The following ZNF385B variants were observed in gnomAD, a reference collection of about 807,000 sequenced individuals.
The protein encoded by ZNF385B is zinc finger protein 533.
Under a neutral mutation model 39.2 loss-of-function variants are expected in ZNF385B, and 23 were observed. The observed-to-expected ratio is 0.59, with a 90% CI of 0.42 to 0.83. The LOEUF (loss-of-function observed/expected upper bound fraction) is 0.83. ZNF385B is among the 40% of genes least tolerant of loss of function. The pLI, the probability that ZNF385B is intolerant of heterozygous loss-of-function variation, is 0.00. For missense variants in ZNF385B, 552 were observed against 598.9 expected, an observed-to-expected ratio of 0.92 and a Z score of 0.82; for synonymous variants, 205 against 222.6, an observed-to-expected ratio of 0.92 and a Z score of 0.70.
At chr2:179,837,054 G>A (rs1315408298) in intron 1 of ZNF385B, among the ~76,000 whole-genome samples, 11 of 152,090 alleles carry the variant, frequency 7.2e-5, no homozygotes, top group Non-Finnish European at 1.2e-4. Context: ...TATAAATCAC[G>A]TAAGACAGAA....
intron 3 of ZNF385B, among the ~76,000 whole-genome samples, chr2:179,716,835 C>T (rs1357552838): frequency 6.6e-6 from 1 of 152,192 alleles, no homozygotes; most frequent in East Asian, 1.9e-4. Flanking sequence ...GAAACCCACA[C>T]TAGCCTGTAT....
At chr2:179,503,271 T>G (rs1257757846) in intron 5 of ZNF385B, among the ~76,000 whole-genome samples, 1 of 152,212 alleles carries the variant, frequency 6.6e-6, no homozygotes, top group Non-Finnish European at 1.5e-5. Flanking sequence ...GCTCTAAATC[T>G]CTATGCTTCA....
chr2:179,538,155 T>C (rs1016557612), intron 4 of ZNF385B, among the ~76,000 whole-genome samples: 1 of 152,146 alleles, frequency 6.6e-6, no homozygotes, highest in African/African-American at 2.4e-5. Flanking sequence ...TTGGACATAC[T>C]AGTATCCTAA....
chr2:179,692,998 T>C (rs1256793437), intron 3 of ZNF385B, among the ~76,000 whole-genome samples: 3 of 152,240 alleles, frequency 2.0e-5, no homozygotes, highest in Non-Finnish European at 4.4e-5. Flanking sequence ...GTCTATCTCC[T>C]GGAAGTTTGT....
At chr2:179,548,500 T>G (rs2060372562) in intron 3 of ZNF385B, among the ~76,000 whole-genome samples, 2 of 149,712 alleles carry the variant, frequency 1.3e-5, no homozygotes, top group South Asian at 4.3e-4. Context: ...AGAATTCAAT[T>G]ATTTTTAGCA....
Position 179,503,292 on chromosome 2 carries a change from C to T in ZNF385B, c.552+15236G>A, listed in dbSNP as rs552401808. 1.1e-3 allele frequency among the ~76,000 whole-genome samples: 174 copies of T among 152,244 alleles called. 2 individuals carry two copies. The highest frequency in any genetic ancestry group is 3.4e-3 in the African/African-American group (142 of 41,546). ...AATCTCTATGCTTCAACCTCCTTTG[C>T]GACAATCATTTGCATTATCTTTGAA... On this transcript the variant is annotated intron_variant, in intron 5 of 9. Coordinates refer to ENST00000410066, the MANE Select transcript of ZNF385B (RefSeq NM_152520.6).
At chr2:179,445,505 G>A (rs927405152) in intron 8 of ZNF385B, 45 bp downstream of exon 8, 5 of 1,558,832 alleles carry the variant, frequency 3.2e-6, no homozygotes, top group Non-Finnish European at 4.4e-6. Flanking sequence ...ACACAGTCAA[G>A]TGGTGACCTA....
chr2:179,581,450 C>T (rs560323082), intron 3 of ZNF385B, among the ~76,000 whole-genome samples: 1 of 152,298 alleles, frequency 6.6e-6, no homozygotes, highest in East Asian at 1.9e-4. Flanking sequence ...TTTTCAAATG[C>T]AAACATAGTT....
intron 6 of ZNF385B, among the ~76,000 whole-genome samples, chr2:179,483,025 T>TTA (rs142150059): frequency 0.013 from 1,933 of 149,912 alleles, 31 homozygotes; most frequent in African/African-American, 0.04. Flanking sequence ...GCATATATAC[T>TTA]TATATATATA....
intron 3 of ZNF385B, among the ~76,000 whole-genome samples, chr2:179,621,765 C>T (rs1269740364): frequency 6.6e-6 from 1 of 152,196 alleles, no homozygotes; most frequent in Non-Finnish European, 1.5e-5. Context: ...TGAATCACCT[C>T]CGTGTCACAC....
In ZNF385B at chr2:179,677,836, AT is replaced by A. The variant is rs201604252; in HGVS notation, c.298+91666del. On this transcript the variant is annotated intron_variant, in intron 3 of 9. Transcript: ENST00000410066. ...TCCTTCTTCTAAAACACCATTTGAG[AT>A]TTTTTTTACAGAATTGTGTTATTTT... Among the ~76,000 whole-genome samples, 867 of 151,996 alleles carry A rather than the reference AT, an allele frequency of 5.7e-3. 8 individuals are homozygous for A. The highest frequency in any genetic ancestry group is 0.018 in the African/African-American group (767 of 41,462).
At chr2:179,464,146 C>G (rs1249590335) in intron 6 of ZNF385B, among the ~76,000 whole-genome samples, 2 of 152,170 alleles carry the variant, frequency 1.3e-5, no homozygotes, top group Non-Finnish European at 2.9e-5. Flanking sequence ...GCATAAATGA[C>G]TTCTTTTGAG....
chr2:179,450,646 T>C (rs1574189932), intron 6 of ZNF385B, among the ~76,000 whole-genome samples: 1 of 151,708 alleles, frequency 6.6e-6, no homozygotes, highest in Admixed American at 6.6e-5. Flanking sequence ...TTTTACACTG[T>C]TGGTGGGACT....
intron 3 of ZNF385B, among the ~76,000 whole-genome samples, chr2:179,746,401 A>C (rs575488518): frequency 9.9e-5 from 15 of 152,284 alleles, no homozygotes; most frequent in African/African-American, 3.1e-4. Context: ...TAACAAAAAT[A>C]ATTCCATATA....
chr2:179,759,351 C>G (rs1559168542), intron 3 of ZNF385B, among the ~76,000 whole-genome samples: 1 of 152,150 alleles, frequency 6.6e-6, no homozygotes, highest in Non-Finnish European at 1.5e-5. Flanking sequence ...ACCAGAATGA[C>G]AGAGAGAACT....
intron 6 of ZNF385B, among the ~76,000 whole-genome samples, chr2:179,459,508 T>A (rs1473941404): frequency 6.6e-6 from 1 of 152,082 alleles, no homozygotes; most frequent in Non-Finnish European, 1.5e-5. Context: ...ATATACTATA[T>A]CAGGCATGGA....
chr2:179,505,088 G>C (rs1041756412), intron 5 of ZNF385B, among the ~76,000 whole-genome samples: 11 of 152,204 alleles, frequency 7.2e-5, no homozygotes, highest in Middle Eastern at 3.4e-3. Context: ...CAGAATCTGG[G>C]ATTTGAGGAT....
chr2:179,602,823 C>T (rs1273246237), intron 3 of ZNF385B, among the ~76,000 whole-genome samples: 1 of 151,934 alleles, frequency 6.6e-6, no homozygotes, highest in African/African-American at 2.4e-5. Context: ...CGGGAACAAA[C>T]ATTACATACT....
At chr2:179,745,388 A>G (rs902778183) in intron 3 of ZNF385B, among the ~76,000 whole-genome samples, 55 of 152,122 alleles carry the variant, frequency 3.6e-4, no homozygotes, top group African/African-American at 1.2e-3. Flanking sequence ...CTAATTACCT[A>G]CTTTCAGTAA....
Sources: allele counts gnomAD v4.1 joint callset (sites outside exome capture counted in the v4.1 genomes callset), GRCh38; gene constraint gnomAD v4.1.1; transcripts MANE v1.5; gene names NCBI Gene and HGNC (gene_info 2026-07-23, HGNC 2026-07-21).